The following CAMTA1 variants were observed in gnomAD, a reference collection of about 807,000 sequenced individuals.
CAMTA1 encodes the protein calmodulin-binding transcription activator 1.
Under a neutral mutation model 170.9 loss-of-function variants are expected in CAMTA1, and 27 were observed. That is an observed-to-expected ratio of 0.16 (90% CI 0.12 to 0.22). The LOEUF (loss-of-function observed/expected upper bound fraction) is 0.22, where lower values mean the gene tolerates loss of function less well. Among genes scored for constraint, CAMTA1 ranks in the 10% least tolerant of loss-of-function variants. The pLI is 1.00. For missense variants in CAMTA1, 1,619 were observed against 2,217.2 expected (o/e 0.73, Z 5.42); for synonymous variants, 833 against 891.5 (o/e 0.93, Z 1.17).
At chr1:7,057,222 T>C (rs1327376994) in intron 3 of CAMTA1, among the ~76,000 whole-genome samples, 1 of 152,192 alleles carries the variant, frequency 6.6e-6, no homozygotes, top group Non-Finnish European at 1.5e-5. Context: ...ATCTCCAGTT[T>C]TGCCTTTGGG....
intron 11 of CAMTA1, among the ~76,000 whole-genome samples, chr1:7,717,076 C>T (rs1381678616): frequency 3.3e-5 from 5 of 152,088 alleles, no homozygotes; most frequent in South Asian, 4.1e-4. Flanking sequence ...AAAAGTTGAT[C>T]TCATGGCAGT....
chr1:7,419,001 C>T (rs1334253139), intron 5 of CAMTA1, among the ~76,000 whole-genome samples: 1 of 152,242 alleles, frequency 6.6e-6, no homozygotes, highest in African/African-American at 2.4e-5. Flanking sequence ...CAGCTCCTGC[C>T]TCACTCAAAT....
At chr1:7,033,871 G>A (rs915041880) in intron 3 of CAMTA1, among the ~76,000 whole-genome samples, 1 of 152,118 alleles carries the variant, frequency 6.6e-6, no homozygotes, top group Admixed American at 6.5e-5. Flanking sequence ...TGGGATTACA[G>A]GCATGAGCCA....
intron 4 of CAMTA1, among the ~76,000 whole-genome samples, chr1:7,117,093 C>T (rs1407146972): frequency 6.6e-6 from 1 of 152,130 alleles, no homozygotes; most frequent in Non-Finnish European, 1.5e-5. Flanking sequence ...GCCTCAGCCT[C>T]CCAAGTAGCT....
At position 7,435,584 on chromosome 1, in the gene CAMTA1, G is replaced by A. The variant is rs899946448; in HGVS notation, c.439-32246G>A. ...TGGTTCACTGTGGTGGCAGTGGAGC[G>A]CAGTCCCCATGCTTGGGGAAAGTCC... On this transcript the variant is annotated intron_variant, in intron 5 of 22. Coordinates refer to ENST00000303635, the MANE Select transcript of CAMTA1 (RefSeq NM_015215.4). The surrounding 1 kb of genome is among the most constrained non-coding windows in gnomAD (Gnocchi z 4.4). Among the ~76,000 whole-genome samples, 29 of 152,318 alleles carry A rather than the reference G, an allele frequency of 1.9e-4. No individual in the cohort carries two copies. The highest frequency in any genetic ancestry group is 1.4e-3 in the Admixed American group (22 of 15,306).
chr1:7,063,392 C>T lies in CAMTA1; in HGVS notation c.235-27912C>T, dbSNP rs748312582. 1.3e-5 allele frequency among the ~76,000 whole-genome samples: 2 copies of T among 152,212 alleles called. No homozygotes were observed. Among genetic ancestry groups the T allele is most frequent in the Admixed American group, 6.5e-5 (1 of 15,280 alleles). On this transcript the variant is annotated intron_variant, in intron 3 of 22. Coordinates refer to ENST00000303635, the MANE Select transcript of CAMTA1 (RefSeq NM_015215.4). The surrounding 1 kb of genome is among the most constrained non-coding windows in gnomAD (Gnocchi z 4.3). ...GCTTACCCGTTTGACCACGACACCACCGCACCTCCCTGCCCTTTATCTTAG... is the reference window on the plus strand; with the variant it reads ...GCTTACCCGTTTGACCACGACACCATCGCACCTCCCTGCCCTTTATCTTAG...
chr1:7,577,883 C>CTATA (rs1465210229), intron 6 of CAMTA1, among the ~76,000 whole-genome samples: 4 of 152,312 alleles, frequency 2.6e-5, no homozygotes, highest in Non-Finnish European at 5.9e-5. Flanking sequence ...GGCCTATGGA[C>CTATA]TATAGTTTGC....
chr1:6,899,917 A>G (rs1447482731), intron 3 of CAMTA1, among the ~76,000 whole-genome samples: 1 of 152,208 alleles, frequency 6.6e-6, no homozygotes, highest in Non-Finnish European at 1.5e-5. Context: ...TTATACAAGC[A>G]TCTTTGGATT....
At chr1:7,711,495 C>T (rs1239665930) in intron 11 of CAMTA1, among the ~76,000 whole-genome samples, 1 of 152,182 alleles carries the variant, frequency 6.6e-6, no homozygotes, top group African/African-American at 2.4e-5. Context: ...CTAAAGAAAA[C>T]ACCATCCTGA....
In CAMTA1 at chr1:6,926,517, CTTCT is replaced by C. The variant is rs796513367; in HGVS notation, c.234+101316_234+101319del. On this transcript the variant is annotated intron_variant, in intron 3 of 22. Coordinates refer to ENST00000303635, the MANE Select transcript of CAMTA1 (RefSeq NM_015215.4). ...CTCTCTTTTCTTCCTTCCTTCCTTCCTTCTTTCTTTCTCTCTCTCTTTCTTTCCT... is the reference window on the plus strand; with the variant it reads ...CTCTCTTTTCTTCCTTCCTTCCTTCCTTCTTTCTCTCTCTCTTTCTTTCCT... Among the ~76,000 whole-genome samples the C allele has an allele frequency of 3.4e-3, 415 of 121,562 alleles. 4 individuals carry two copies. The highest frequency in any genetic ancestry group is 0.011 in the African/African-American group (345 of 31,756). 79.7% of individuals were successfully genotyped at this position (121,562 alleles called of 152,430 possible). A position where few individuals can be genotyped will look rare whatever the true frequency, so the allele number is the denominator to read the frequency against.
chr1:6,898,333 C>G (rs916429380), intron 3 of CAMTA1, among the ~76,000 whole-genome samples: 1 of 152,158 alleles, frequency 6.6e-6, no homozygotes, highest in Non-Finnish European at 1.5e-5. Context: ...GCAGGCAGAT[C>G]ACGAGGTCAG....
At position 7,609,976 on chromosome 1, in the gene CAMTA1, C is replaced by T. The variant is rs1030738404; in HGVS notation, c.511-30424C>T. On this transcript the variant is annotated intron_variant, in intron 6 of 22. Coordinates refer to ENST00000303635, the MANE Select transcript of CAMTA1 (RefSeq NM_015215.4). The surrounding 1 kb of genome is among the most constrained non-coding windows in gnomAD (Gnocchi z 4.4). ...TCTCCAAGTCTCTTTACCTGAAATA[C>T]AGCACCTGCCGGGTCTGTCCACACT... Among the ~76,000 whole-genome samples the T allele has an allele frequency of 2.0e-5, 3 of 152,194 alleles. No individual in the cohort carries two copies. Among genetic ancestry groups the T allele is most frequent in the Non-Finnish European group, 2.9e-5 (2 of 68,038 alleles).
intron 6 of CAMTA1, among the ~76,000 whole-genome samples, chr1:7,591,692 G>A (rs949105260): frequency 1.3e-5 from 2 of 152,130 alleles, no homozygotes; most frequent in African/African-American, 4.8e-5. Flanking sequence ...GCCAGAATGC[G>A]CCCTGCACTG....
chr1:6,997,656 CTTTCTTTTTTTT>C (rs1207766113), intron 3 of CAMTA1, among the ~76,000 whole-genome samples: 5 of 128,412 alleles, frequency 3.9e-5, no homozygotes, highest in East Asian at 2.1e-4. Context: ...CCTTTCTTTT[CTTTCTTTTTTTT>C]TTTTTTTTTG....
At chr1:7,554,356 T>C (rs1320183118) in intron 6 of CAMTA1, among the ~76,000 whole-genome samples, 2 of 152,170 alleles carry the variant, frequency 1.3e-5, no homozygotes, top group Non-Finnish European at 2.9e-5. Flanking sequence ...AATGCTGTTC[T>C]AGGTGTGAGG....
chr1:7,353,632 C>T (rs1340772275), intron 5 of CAMTA1, among the ~76,000 whole-genome samples: 1 of 152,156 alleles, frequency 6.6e-6, no homozygotes, highest in Non-Finnish European at 1.5e-5. Context: ...CCATGTTGGT[C>T]AGGCTGGTCT....
intron 6 of CAMTA1, among the ~76,000 whole-genome samples, chr1:7,541,953 C>T (rs1354720481): frequency 6.6e-6 from 1 of 152,212 alleles, no homozygotes; most frequent in African/African-American, 2.4e-5. Context: ...GCTTCCTCGG[C>T]GTTCCTCCAG....
intron 5 of CAMTA1, among the ~76,000 whole-genome samples, chr1:7,318,433 G>A (rs1262741725): frequency 6.6e-6 from 1 of 152,174 alleles, no homozygotes; most frequent in Non-Finnish European, 1.5e-5. Context: ...AGGCCAGTGA[G>A]TTTCACAGCC....
At chr1:7,352,538 T>A (rs1208808780) in intron 5 of CAMTA1, among the ~76,000 whole-genome samples, 2 of 152,192 alleles carry the variant, frequency 1.3e-5, no homozygotes, top group African/African-American at 4.8e-5. Flanking sequence ...TCTGCAGGTG[T>A]CCTCACTGAT....
Sources: allele counts gnomAD v4.1 joint callset (sites outside exome capture counted in the v4.1 genomes callset), GRCh38; gene constraint gnomAD v4.1.1; non-coding constraint Gnocchi (gnomAD v3.1); transcripts MANE v1.5; gene names NCBI Gene and HGNC (gene_info 2026-07-23, HGNC 2026-07-21).